The following HMCN1 variants were observed in gnomAD, a reference collection of about 807,000 sequenced individuals.
HMCN1 encodes hemicentin 1.
Under a neutral mutation model 625.9 loss-of-function variants are expected in HMCN1, and 321 were observed. The ratio of observed to expected loss-of-function variants is 0.51; its 90% confidence interval spans 0.47 to 0.56. The LOEUF is 0.56. Ranked by LOEUF, HMCN1 falls within the 20% of genes least tolerant of loss-of-function variation. The pLI is 0.00. For synonymous variants in HMCN1, 2,425 were observed against 2,417.6 expected, an observed-to-expected ratio of 1.00 and a Z score of -0.09; for missense variants, 6,588 against 6,887.3, an observed-to-expected ratio of 0.96 and a Z score of 1.54.
chr1:185,966,441 T>C (rs1650410719), intron 14 of HMCN1, among the ~76,000 whole-genome samples: 1 of 152,192 alleles, frequency 6.6e-6, no homozygotes, highest in Non-Finnish European at 1.5e-5. Flanking sequence ...CTTTCTATAT[T>C]TGTGTCATAA....
intron 4 of HMCN1, among the ~76,000 whole-genome samples, chr1:185,878,473 G>A (rs1664092241): frequency 6.6e-6 from 1 of 152,124 alleles, no homozygotes; most frequent in Non-Finnish European, 1.5e-5. Context: ...TTTGTCAAAT[G>A]CTTTTTCTGC....
chr1:186,138,710 C>T (rs1263244079), intron 89 of HMCN1, among the ~76,000 whole-genome samples: 4 of 152,150 alleles, frequency 2.6e-5, no homozygotes, highest in Non-Finnish European at 5.9e-5. Context: ...GTTCCCTTGT[C>T]TCTCAGAATT....
chr1:185,969,864 C>T (rs1339778292), intron 14 of HMCN1, among the ~76,000 whole-genome samples: 1 of 152,154 alleles, frequency 6.6e-6, no homozygotes, highest in Non-Finnish European at 1.5e-5. Flanking sequence ...TAACCTAAAT[C>T]ATAGCTTTGT....
At chr1:185,782,236 GT>G (rs1337189302) in intron 1 of HMCN1, among the ~76,000 whole-genome samples, 2 of 152,154 alleles carry the variant, frequency 1.3e-5, no homozygotes, top group Non-Finnish European at 1.5e-5. Context: ...GAGCCTATGT[GT>G]TTCTCTGCAC....
At chr1:186,167,674 G>C (rs1358934) in intron 100 of HMCN1, among the ~76,000 whole-genome samples, 1 of 152,142 alleles carries the variant, frequency 6.6e-6, no homozygotes, top group Non-Finnish European at 1.5e-5. Flanking sequence ...GGCAAACACT[G>C]ATCTTGTTAC....
chr1:186,113,932 GTAT>G, intron 72 of HMCN1, 44 bp from the exon 73 acceptor site: 1 of 1,604,742 alleles, frequency 6.2e-7, no homozygotes, highest in African/African-American at 1.3e-5. Context: ...CATGCAGGCT[GTAT>G]TATTTAGTCT....
chr1:186,123,434 G>C (rs1661495024), intron 81 of HMCN1, among the ~76,000 whole-genome samples: 1 of 152,122 alleles, frequency 6.6e-6, no homozygotes, highest in African/African-American at 2.4e-5. Flanking sequence ...GAGAAAGACA[G>C]ATTTTATTAA....
chr1:186,075,280 C>G (rs544387847), intron 53 of HMCN1, among the ~76,000 whole-genome samples: 245 of 152,132 alleles, frequency 1.6e-3, no homozygotes, highest in Non-Finnish European at 3.1e-3. Context: ...GGCATATTAT[C>G]TGGGTGATGA....
At chr1:185,833,626 AT>A (rs551397950) in intron 1 of HMCN1, among the ~76,000 whole-genome samples, 148 of 152,200 alleles carry the variant, frequency 9.7e-4, no homozygotes, top group Non-Finnish European at 1.8e-3. Context: ...GATTTTTATG[AT>A]TAAATACCAT....
Position 185,993,235 on chromosome 1 carries a change from A to G in HMCN1, c.3431A>G (p.Asp1144Gly). ...AAGATCACTGAAACCCGCACTTCAG[A>G]TAGTGGGATGTATCTTTGTGTTGCC... ...SMKITETRTS[D>G]SGMYLCVATN... is the part of the protein sequence containing the mutation. The change falls in exon 23 of 107, where the codon GAT becomes GGT. Residue 1144 changes from aspartate to glycine, a missense_variant. This residue lies in a region of HMCN1 where 4,628 missense variants were observed against 4,853.1 expected (regional missense o/e 0.95). Transcript: ENST00000271588. 1.9e-6 allele frequency: 3 copies of G among 1,613,044 alleles called. No individual in the cohort carries two copies. The highest frequency in any genetic ancestry group is 1.7e-6 in the Non-Finnish European group (2 of 1,179,138).
Position 186,136,648 on chromosome 1 carries a change from C to G in HMCN1, c.13313-20C>G. On this transcript the variant is annotated intron_variant, in intron 86 of 106. Coordinates refer to ENST00000271588, the MANE Select transcript of HMCN1 (RefSeq NM_031935.3). ...CTGTAACTCCACAAAAACTGAGACA[C>G]TATGTGCTTTTTTCCGTAGGTCCTC... The G allele has an allele frequency of 6.2e-7, 1 of 1,613,090 alleles. No individual in the cohort carries two copies. Among genetic ancestry groups the G allele is most frequent in the Non-Finnish European group, 8.5e-7 (1 of 1,179,192 alleles).
At chr1:186,043,711 T>C (rs2102244432) in intron 40 of HMCN1, among the ~76,000 whole-genome samples, 1 of 152,290 alleles carries the variant, frequency 6.6e-6, no homozygotes, top group African/African-American at 2.4e-5. Flanking sequence ...TGAAATCAGC[T>C]ATTCTATTTT....
At chr1:186,037,109 G>A (rs1421873881) in intron 36 of HMCN1, among the ~76,000 whole-genome samples, 1 of 151,218 alleles carries the variant, frequency 6.6e-6, no homozygotes, top group East Asian at 1.9e-4. Flanking sequence ...TGGGTCGAGG[G>A]TCTGTAGTGC....
rs569680583 is a variant in HMCN1 at position 186,132,490 on chromosome 1, A to ATAGCAAGTTCATTAGTGGT, written c.13312+82_13312+100dup. On this transcript the variant is annotated intron_variant, in intron 86 of 106. Coordinates refer to ENST00000271588, the MANE Select transcript of HMCN1 (RefSeq NM_031935.3). The stretch of plus-strand genomic sequence containing the variant: ...AAGAGTATTTATTTTCTTTAACTCT[A>ATAGCAAGTTCATTAGTGGT]TAGCAAGTTCATTAGTGGTAGCTCT... The ATAGCAAGTTCATTAGTGGT allele has an allele frequency of 9.1e-3, 10,345 of 1,135,450 alleles. 91 individuals carry two copies. The highest frequency in any genetic ancestry group is 0.028 in the African/African-American group (1,813 of 64,082). 70.3% of individuals were successfully genotyped at this position (1,135,450 alleles called of 1,614,324 possible).
chr1:186,003,532 G>T (rs996109277), intron 28 of HMCN1, among the ~76,000 whole-genome samples, 186 bp from the exon 29 acceptor site: 2 of 152,080 alleles, frequency 1.3e-5, no homozygotes, highest in African/African-American at 4.8e-5. Flanking sequence ...TTATAAATAT[G>T]TTTCTACATT....
intron 1 of HMCN1, among the ~76,000 whole-genome samples, chr1:185,770,009 G>A (rs1023407396): frequency 2.0e-5 from 3 of 152,164 alleles, no homozygotes; most frequent in Non-Finnish European, 2.9e-5. Flanking sequence ...AGGGAGGGGA[G>A]ACTTTGCCTC....
chr1:185,755,982 T>A (rs971774757), intron 1 of HMCN1, among the ~76,000 whole-genome samples: 5 of 152,018 alleles, frequency 3.3e-5, no homozygotes, highest in African/African-American at 1.2e-4. Flanking sequence ...AAGCCTCAAG[T>A]TCCTAAGCTA....
intron 42 of HMCN1, among the ~76,000 whole-genome samples, chr1:186,051,976 T>A (rs1335838378): frequency 6.6e-6 from 1 of 151,842 alleles, no homozygotes; most frequent in African/African-American, 2.4e-5. Context: ...TGATGGAAAA[T>A]GGGATGGGTA....
intron 1 of HMCN1, among the ~76,000 whole-genome samples, chr1:185,775,787 G>T (rs553158786): frequency 6.6e-6 from 1 of 152,326 alleles, no homozygotes; most frequent in East Asian, 1.9e-4. Flanking sequence ...TAGTGTTTCT[G>T]TGAGTCCTGT....
Sources: allele counts gnomAD v4.1 joint callset (sites outside exome capture counted in the v4.1 genomes callset), GRCh38; gene constraint gnomAD v4.1.1; regional missense constraint gnomAD v4.1.1; transcripts MANE v1.5; gene names NCBI Gene and HGNC (gene_info 2026-07-23, HGNC 2026-07-21).